Variants in NUP160 observed in about 807,000 individuals in gnomAD.
NUP160 encodes the protein nuclear pore complex protein Nup160.
A neutral mutation model predicts 196.9 loss-of-function variants in NUP160; 94 were observed. That is an observed-to-expected ratio of 0.48 (90% CI 0.40 to 0.57). The LOEUF is 0.57. Ranked by LOEUF, NUP160 falls within the 20% of genes least tolerant of loss-of-function variation. NUP160 has a pLI of 0.00. For synonymous variants in NUP160, 605 were observed against 619.7 expected (o/e 0.98, Z 0.35); for missense variants, 1,638 against 1,748.3 (o/e 0.94, Z 1.13).
intron 18 of NUP160, among the ~76,000 whole-genome samples, 192 bp from the exon 19 acceptor site, chr11:47,807,332 A>G (rs539875690): frequency 1.3e-5 from 2 of 152,322 alleles, no homozygotes; most frequent in East Asian, 1.9e-4. Flanking sequence ...TGACCCTTCA[A>G]TGAGGAGCCA....
exon 14 of NUP160, chr11:47,813,336 T>C: frequency 6.2e-7 from 1 of 1,605,690 alleles, no homozygotes; most frequent in Non-Finnish European, 8.5e-7. Context: ...GGTTGTCTCA[T>C]CTTCTGTCAA....
intron 34 of NUP160, 56 bp from the exon 35 acceptor site, chr11:47,780,503 G>T: frequency 1.7e-6 from 2 of 1,193,876 alleles, no homozygotes; most frequent in Non-Finnish European, 1.2e-6. Context: ...TTTCTTCTGG[G>T]TAGTTGCTTT....
At chr11:47,848,348 A>C (rs1344361318) in exon 1 of NUP160, 1 of 1,613,102 alleles carries the variant, frequency 6.2e-7, no homozygotes, top group Non-Finnish European at 8.5e-7. Context: ...CGCCCAACGG[A>C]ACAAAGGCAG....
chr11:47,839,185 G>A (rs1479949017), intron 4 of NUP160, among the ~76,000 whole-genome samples: 1 of 152,018 alleles, frequency 6.6e-6, no homozygotes, highest in Non-Finnish European at 1.5e-5. Flanking sequence ...TCCACCTCTT[G>A]GGTTCAAGCG....
At chr11:47,790,820 G>C (rs2097667488) in intron 29 of NUP160, among the ~76,000 whole-genome samples, 1 of 152,138 alleles carries the variant, frequency 6.6e-6, no homozygotes. Flanking sequence ...AATGGTGTCT[G>C]GGAACTCTTC....
intron 16 of NUP160, 22 bp downstream of exon 16, chr11:47,812,280 C>T: frequency 6.2e-7 from 1 of 1,613,628 alleles, no homozygotes; most frequent in Non-Finnish European, 8.5e-7. Flanking sequence ...CAAAGAGGCA[C>T]ATTTGTTGTT....
At chr11:47,823,337 A>G (rs921023459) in intron 7 of NUP160, among the ~76,000 whole-genome samples, 19 of 152,156 alleles carry the variant, frequency 1.2e-4, no homozygotes, top group Non-Finnish European at 2.2e-4. Flanking sequence ...TCTATACTCA[A>G]TAAACAATTT....
exon 23 of NUP160, chr11:47,801,865 A>T: frequency 6.2e-7 from 1 of 1,613,960 alleles, no homozygotes; most frequent in Non-Finnish European, 8.5e-7. Context: ...CCTCTGAGCG[A>T]ATCAAGCGAT....
At chr11:47,825,126 G>C (rs1185446783) in intron 7 of NUP160, among the ~76,000 whole-genome samples, 1 of 151,406 alleles carries the variant, frequency 6.6e-6, no homozygotes, top group Non-Finnish European at 1.5e-5. Flanking sequence ...TGAGCCAACC[G>C]CGCCCAGCCG....
chr11:47,778,311 C>T, exon 36 of NUP160: 1 of 152,562 alleles, frequency 6.6e-6, no homozygotes, highest in Non-Finnish European at 1.5e-5. Context: ...AACTTGTGAG[C>T]ATGAATGCTT....
At chr11:47,840,321 A>G (rs1852270494) in intron 3 of NUP160, 57 bp downstream of exon 3, 1 of 1,449,474 alleles carries the variant, frequency 6.9e-7, no homozygotes, top group Admixed American at 1.7e-5. Context: ...CCAGCACTAC[A>G]TTTGTGACAC....
At chr11:47,788,852 T>A (rs564756815) in intron 29 of NUP160, among the ~76,000 whole-genome samples, 2 of 152,098 alleles carry the variant, frequency 1.3e-5, no homozygotes, top group East Asian at 3.9e-4. Context: ...AGGTACTACA[T>A]GTAATTTCAT....
At chr11:47,845,407 T>G (rs958901343) in intron 2 of NUP160, among the ~76,000 whole-genome samples, 1 of 152,216 alleles carries the variant, frequency 6.6e-6, no homozygotes, top group Non-Finnish European at 1.5e-5. Flanking sequence ...CCTAAAGTAC[T>G]GGGATTACAG....
intron 17 of NUP160, among the ~76,000 whole-genome samples, chr11:47,810,370 G>T (rs2097680391): frequency 6.6e-6 from 1 of 151,700 alleles, no homozygotes; most frequent in African/African-American, 2.4e-5. Flanking sequence ...GCTAATTTTT[G>T]TATTTTTTTG....
intron 33 of NUP160, among the ~76,000 whole-genome samples, chr11:47,783,994 T>TA (rs1349354197): frequency 7.8e-5 from 10 of 128,390 alleles, no homozygotes; most frequent in Non-Finnish European, 1.5e-4. Context: ...GTGCCCGGCC[T>TA]CCTTTCTACC....
At chr11:47,848,407 G>A (rs748284745) in exon 1 of NUP160, 7 of 1,583,398 alleles carry the variant, frequency 4.4e-6, no homozygotes, top group South Asian at 3.4e-5. Flanking sequence ...CGGAGCTGCG[G>A]ACAGGTGAAG....
intron 20 of NUP160, among the ~76,000 whole-genome samples, chr11:47,805,884 G>A (rs1053682035): frequency 6.6e-6 from 1 of 151,502 alleles, no homozygotes; most frequent in Non-Finnish European, 1.5e-5. Context: ...GTGGTGGCGC[G>A]AGCTTGGCTC....
intron 27 of NUP160, among the ~76,000 whole-genome samples, chr11:47,794,500 G>A (rs10838768): frequency 0.35 from 52,630 of 151,998 alleles, 10,548 homozygotes; most frequent in South Asian, 0.52. Flanking sequence ...TGGGCACAGT[G>A]GCTCACGCCT....
chr11:47,827,935 A>G (rs1441133280), intron 7 of NUP160, among the ~76,000 whole-genome samples: 2 of 152,214 alleles, frequency 1.3e-5, no homozygotes, highest in African/African-American at 4.8e-5. Flanking sequence ...CAGTGAGGCA[A>G]TCAGGAATAC....
Sources: gnomAD v4.1 joint callset for allele counts (sites outside exome capture counted in the v4.1 genomes callset) on GRCh38, gnomAD v4.1.1 for gene constraint, MANE v1.5 for transcripts, NCBI Gene and HGNC (gene_info 2026-07-23, HGNC 2026-07-21) for gene names.